Variants in C1orf159 observed in about 807,000 individuals in gnomAD.
C1orf159 encodes the protein chromosome 1 open reading frame 159.
A neutral mutation model predicts 25.6 loss-of-function variants in C1orf159; 19 were observed. The ratio of observed to expected loss-of-function variants is 0.74; its 90% CI spans 0.52 to 1.09. The LOEUF (loss-of-function observed/expected upper bound fraction) is 1.09. Ranked by LOEUF, C1orf159 falls within the 50% of genes least tolerant of loss-of-function variation. The pLI is 0.00. For missense variants in C1orf159, 274 were observed against 290.6 expected, an observed-to-expected ratio of 0.94 and a Z score of 0.42; for synonymous variants, 139 against 124.7, an observed-to-expected ratio of 1.12 and a Z score of -0.77.
intron 1 of C1orf159, among the ~76,000 whole-genome samples, chr1:1,096,753 C>G (rs1287508362): frequency 6.6e-6 from 1 of 152,140 alleles, no homozygotes; most frequent in African/African-American, 2.4e-5. Context: ...GAGACATGGC[C>G]TCACTCTGTC....
Position 1,116,040 on chromosome 1 carries a change from G to C in C1orf159, c.-136+20C>G, listed in dbSNP as rs1172198148. 1 of 152,114 alleles carries C rather than the reference G, an allele frequency of 6.6e-6. No homozygotes were observed. The highest frequency in any genetic ancestry group is 1.5e-5 in the Non-Finnish European group (1 of 68,078). 9.4% of individuals were successfully genotyped at this position (152,114 alleles called of 1,614,324 possible). A position where few individuals can be genotyped will look rare whatever the true frequency, so the allele number is the denominator to read the frequency against. On this transcript the variant is annotated intron_variant, in intron 1 of 9. Coordinates refer to ENST00000421241, the MANE Select transcript of C1orf159 (RefSeq NM_017891.5). This position sits in a 1 kb window ranked among gnomAD's most constrained non-coding sequence, Gnocchi z 4.8. Reference sequence around the variant, plus strand: ...GCCCCAACCCGCTACCCTCACGCCTGCCCCCAGCCCCTCACTCACCCCGGC... The same window carrying C: ...GCCCCAACCCGCTACCCTCACGCCTCCCCCCAGCCCCTCACTCACCCCGGC...
Position 1,109,122 on chromosome 1 carries a change from G to A in C1orf159, c.-136+6938C>T, listed in dbSNP as rs1017804444. On this transcript the variant is annotated intron_variant, in intron 1 of 9. Coordinates refer to ENST00000421241, the MANE Select transcript of C1orf159 (RefSeq NM_017891.5). Reference sequence around the variant, plus strand: ...CAGCATTGTTCACCACAGCCAAAAGGTGGGAGCAAGTGTCCACCCACAGAT... The same window carrying A: ...CAGCATTGTTCACCACAGCCAAAAGATGGGAGCAAGTGTCCACCCACAGAT... 4.4e-5 allele frequency among the ~76,000 whole-genome samples: 4 copies of A among 91,028 alleles called. 1 individual carries two copies. Among genetic ancestry groups the A allele is most frequent in the African/African-American group, 2.5e-4 (3 of 11,934 alleles). The allele number at this position is 91,028 out of a possible 152,430, so 59.7% of individuals were successfully genotyped here.
rs761142650 is a variant in C1orf159, at chr1:1,110,876, G to C, written c.-136+5184C>G. On this transcript the variant is annotated intron_variant, in intron 1 of 9. Coordinates refer to ENST00000421241, the MANE Select transcript of C1orf159 (RefSeq NM_017891.5). The surrounding 1 kb of genome is among the most constrained non-coding windows in gnomAD (Gnocchi z 4.8). ...GTGGCAGACGCAAAACCGCCCGCAC[G>C]TGTGACTCCTAACACTCAGAGTGTC... is the stretch of plus-strand genomic sequence containing the variant. Among the ~76,000 whole-genome samples, 1 of 152,220 alleles carries C rather than the reference G, an allele frequency of 6.6e-6. No homozygotes were observed. Among genetic ancestry groups the C allele is most frequent in the African/African-American group, 2.4e-5 (1 of 41,460 alleles).
chr1:1,097,263 T>A (rs918902359), intron 1 of C1orf159, among the ~76,000 whole-genome samples: 7 of 151,698 alleles, frequency 4.6e-5, no homozygotes, highest in African/African-American at 1.7e-4. Flanking sequence ...CCCACCACCA[T>A]GCCTGGCTAA....
chr1:1,113,175 G>A (rs1232964986), intron 1 of C1orf159, among the ~76,000 whole-genome samples: 4 of 147,340 alleles, frequency 2.7e-5, no homozygotes, highest in Admixed American at 1.4e-4. Context: ...CAGCCTGGGC[G>A]ACAGAGACAG....
rs776488615 is a variant in C1orf159 at position 1,087,242 on chromosome 1, G to C, written c.245-38C>G. 1 of 1,565,950 alleles carries C rather than the reference G, an allele frequency of 6.4e-7. No individual in the cohort carries two copies. Among genetic ancestry groups the C allele is most frequent in the Non-Finnish European group, 8.7e-7 (1 of 1,154,778 alleles). ...AGAACTGTGGGAAGCCTGTGTGCAC[G>C]GAGCCCACGGGGACACCCACGTGCA... On this transcript the variant is annotated intron_variant, in intron 5 of 9. Coordinates refer to ENST00000421241, the MANE Select transcript of C1orf159 (RefSeq NM_017891.5). The surrounding 1 kb of genome is among the most constrained non-coding windows in gnomAD (Gnocchi z 8.3).
rs563136458 is a variant in C1orf159, at chr1:1,101,047, G to A, written c.-135-8944C>T. 1.9e-4 allele frequency among the ~76,000 whole-genome samples: 29 copies of A among 152,162 alleles called. 1 individual carries two copies. Among genetic ancestry groups the A allele is most frequent in the South Asian group, 1.7e-3 (8 of 4,814 alleles). On this transcript the variant is annotated intron_variant, in intron 1 of 9. Coordinates refer to ENST00000421241, the MANE Select transcript of C1orf159 (RefSeq NM_017891.5). Reference sequence around the variant, plus strand: ...AGTATATACTATCTTCAGCATTTCCGGTAGCACAATTTGATGGTGACAAAT... The same window carrying A: ...AGTATATACTATCTTCAGCATTTCCAGTAGCACAATTTGATGGTGACAAAT...
Position 1,102,622 on chromosome 1 carries a change from A to T in C1orf159, c.-135-10519T>A, listed in dbSNP as rs974722110. ...CGAAACCCTGTCTCTACTAAAAAAA[A>T]AAAAAAAAAAAAAAAAAAAAAAAAA... On this transcript the variant is annotated intron_variant, in intron 1 of 9. Coordinates refer to ENST00000421241, the MANE Select transcript of C1orf159 (RefSeq NM_017891.5). Among the ~76,000 whole-genome samples, 791 of 85,098 alleles carry T rather than the reference A, an allele frequency of 9.3e-3. 25 individuals carry two copies. The highest frequency in any genetic ancestry group is 0.027 in the East Asian group (83 of 3,128). The allele number at this position is 85,098 out of a possible 152,430, so 55.8% of individuals were successfully genotyped here. A position where few individuals can be genotyped will look rare whatever the true frequency, so the allele number is the denominator to read the frequency against.
intron 1 of C1orf159, among the ~76,000 whole-genome samples, chr1:1,099,895 G>C (rs1646075848): frequency 1.0e-5 from 1 of 95,710 alleles, no homozygotes; most frequent in South Asian, 3.1e-4. Flanking sequence ...TATGATTGTG[G>C]GTTGTCTATA....
Position 1,087,477 on chromosome 1 carries a change from G to GC in C1orf159, c.244+24dup. 6.5e-7 allele frequency: 1 copy of GC among 1,532,634 alleles called. No homozygotes were observed. The highest frequency in any genetic ancestry group is 2.5e-5 in the East Asian group (1 of 40,662). 94.9% of individuals were successfully genotyped at this position (1,532,634 alleles called of 1,614,324 possible). On this transcript the variant is annotated intron_variant, in intron 5 of 9. Transcript: ENST00000421241. The surrounding 1 kb of genome is among the most constrained non-coding windows in gnomAD (Gnocchi z 8.3). ...CCACAGCTGGAGCTGTGAGAAGGGA[G>GC]CCGGGGGGAGCCGGGCAGACCTACA... is the stretch of plus-strand genomic sequence containing the variant.
intron 9 of C1orf159, chr1:1,083,214 T>G: frequency 3.9e-6 from 2 of 509,324 alleles, no homozygotes; most frequent in South Asian, 2.8e-5. Flanking sequence ...GTCCTCTCAT[T>G]TACACCCTGG....
At chr1:1,084,250 G>A in intron 9 of C1orf159, 103 bp downstream of exon 9, 2 of 1,519,208 alleles carry the variant, frequency 1.3e-6, no homozygotes, top group Non-Finnish European at 1.8e-6. Flanking sequence ...GGGTGGCCGA[G>A]ATCCAGAGCC....
Position 1,082,404 on chromosome 1 carries a change from C to T in C1orf159, c.*489G>A, listed in dbSNP as rs551489358. ...CCTAGGCTGTGTCCTCCCCACTGGC[C>T]GGGCACCGGCTGGAACGGCACGAGG... On this transcript the variant is annotated 3_prime_UTR_variant, in exon 10 of 10. Transcript: ENST00000421241. 117 of 172,670 alleles carry T rather than the reference C, an allele frequency of 6.8e-4. No homozygotes were observed. The highest frequency in any genetic ancestry group is 2.8e-4 in the Admixed American group (5 of 17,992). 10.7% of individuals were successfully genotyped at this position (172,670 alleles called of 1,614,324 possible). A position where few individuals can be genotyped will look rare whatever the true frequency, so the allele number is the denominator to read the frequency against.
intron 1 of C1orf159, among the ~76,000 whole-genome samples, chr1:1,093,751 G>A (rs1003176646): frequency 3.3e-5 from 5 of 152,336 alleles, no homozygotes; most frequent in South Asian, 2.1e-4. Flanking sequence ...ATGGAGCTGC[G>A]GCCAAGGTCC....
intron 1 of C1orf159, 54 bp from the exon 2 acceptor site, chr1:1,092,157 G>C (rs901557981): frequency 2.8e-6 from 1 of 359,322 alleles, no homozygotes; most frequent in Non-Finnish European, 5.6e-6. Flanking sequence ...AACCCAGGTG[G>C]GCCGTGGCCT....
intron 1 of C1orf159, among the ~76,000 whole-genome samples, chr1:1,104,834 T>C (rs906806387): frequency 4.6e-5 from 7 of 151,496 alleles, no homozygotes; most frequent in African/African-American, 1.7e-4. Flanking sequence ...AAAAAAGCTT[T>C]GGCAGCAGGG....
Position 1,089,097 on chromosome 1 carries a change from G to A in C1orf159, c.148+1256C>T, listed in dbSNP as rs972668579. 6.6e-6 allele frequency among the ~76,000 whole-genome samples: 1 copy of A among 152,210 alleles called. No individual in the cohort carries two copies. Among genetic ancestry groups the A allele is most frequent in the Non-Finnish European group, 1.5e-5 (1 of 68,026 alleles). On this transcript the variant is annotated intron_variant, in intron 4 of 9. Coordinates refer to ENST00000421241, the MANE Select transcript of C1orf159 (RefSeq NM_017891.5). The surrounding 1 kb of genome is among the most constrained non-coding windows in gnomAD (Gnocchi z 7.5). The stretch of plus-strand genomic sequence containing the variant: ...AGTGCCCGCTGCCTCCCCGAGCGGA[G>A]ACGTGACCTGGCTTGGGGCCGCACG...
chr1:1,090,603 G>A (rs1286480055), intron 3 of C1orf159, 175 bp from the exon 4 acceptor site: 7 of 725,566 alleles, frequency 9.6e-6, no homozygotes, highest in Admixed American at 2.3e-5. Flanking sequence ...AGCAAGGAGG[G>A]GCCTCACAGC....
chr1:1,090,543 C>T lies in C1orf159; in HGVS notation c.73-115G>A. On this transcript the variant is annotated intron_variant, in intron 3 of 9. Transcript: ENST00000421241. The stretch of plus-strand genomic sequence containing the variant: ...CACATCTCAATGTCCGCAGCTCCGG[C>T]CTCTTCTGGAGTCAGCATCGGGTGG... 2.7e-6 allele frequency: 3 copies of T among 1,123,030 alleles called. No individual in the cohort carries two copies. The South Asian group carries it at 4.2e-5, about 16-fold the overall frequency. The allele number at this position is 1,123,030 out of a possible 1,614,324, so 69.6% of individuals were successfully genotyped here.
Sources: allele counts gnomAD v4.1 joint callset (sites outside exome capture counted in the v4.1 genomes callset), GRCh38; gene constraint gnomAD v4.1.1; non-coding constraint Gnocchi (gnomAD v3.1); transcripts MANE v1.5; gene names NCBI Gene and HGNC (gene_info 2026-07-23, HGNC 2026-07-21).